CCDC85A: variants seen among roughly 807,000 people sequenced by gnomAD.
CCDC85A encodes the protein coiled-coil domain containing 85A.
A neutral mutation model predicts 50.2 loss-of-function variants in CCDC85A; 38 were observed. The observed-to-expected ratio is 0.76, with a 90% confidence interval of 0.58 to 0.99. The LOEUF (loss-of-function observed/expected upper bound fraction) is 0.99, where lower values mean the gene tolerates loss of function less well. Ranked by LOEUF, CCDC85A falls within the 50% of genes least tolerant of loss-of-function variation. CCDC85A has a pLI of 0.00. For synonymous variants in CCDC85A, 366 were observed against 301.4 expected (o/e 1.21, Z -2.22); for missense variants, 820 against 742.0 (o/e 1.11, Z -1.22).
chr2:56,197,507 C>CTT (rs1191314169), intron 2 of CCDC85A, among the ~76,000 whole-genome samples: 1 of 152,178 alleles, frequency 6.6e-6, no homozygotes, highest in Non-Finnish European at 1.5e-5. Flanking sequence ...ACACTGCACT[C>CTT]TGAGATGCAA....
At chr2:56,188,855 G>T (rs1481482369) in intron 1 of CCDC85A, among the ~76,000 whole-genome samples, 1 of 152,228 alleles carries the variant, frequency 6.6e-6, no homozygotes, top group African/African-American at 2.4e-5. Context: ...AGTGTCCACT[G>T]TATGCAAGGC....
At chr2:56,362,649 C>T (rs563299986) in intron 3 of CCDC85A, among the ~76,000 whole-genome samples, 1 of 151,928 alleles carries the variant, frequency 6.6e-6, no homozygotes, top group African/African-American at 2.4e-5. Flanking sequence ...AGTGAAGTCT[C>T]GCTCTGTCAC....
At chr2:56,260,227 A>G (rs1424930657) in intron 2 of CCDC85A, among the ~76,000 whole-genome samples, 1 of 152,216 alleles carries the variant, frequency 6.6e-6, no homozygotes, top group Non-Finnish European at 1.5e-5. Context: ...GGACCAAAAA[A>G]TAGACAAACT....
chr2:56,189,952 AG>A (rs1346344906), intron 1 of CCDC85A, among the ~76,000 whole-genome samples: 1 of 152,172 alleles, frequency 6.6e-6, no homozygotes, highest in Non-Finnish European at 1.5e-5. Context: ...CAAAAAGGAG[AG>A]GTGGGAATTA....
At chr2:56,305,149 T>TA (rs1357340255) in intron 2 of CCDC85A, among the ~76,000 whole-genome samples, 4 of 149,764 alleles carry the variant, frequency 2.7e-5, no homozygotes, top group East Asian at 3.9e-4. Context: ...GTTAGGAAAA[T>TA]AAAAAAAAGT....
intron 3 of CCDC85A, among the ~76,000 whole-genome samples, chr2:56,351,578 T>C (rs1674942661): frequency 1.4e-5 from 2 of 143,074 alleles, no homozygotes. Context: ...ATTGTGGTTT[T>C]GATTTGCATT....
intron 2 of CCDC85A, among the ~76,000 whole-genome samples, chr2:56,239,186 G>A (rs990687857): frequency 3.3e-5 from 5 of 152,020 alleles, no homozygotes; most frequent in Non-Finnish European, 5.9e-5. Flanking sequence ...TGTGAGGGTC[G>A]TTATATGACT....
intron 3 of CCDC85A, among the ~76,000 whole-genome samples, chr2:56,359,111 G>T (rs1161649740): frequency 2.0e-5 from 3 of 151,896 alleles, no homozygotes; most frequent in African/African-American, 7.3e-5. Context: ...TGTACATAAA[G>T]ACTTTATACA....
At chr2:56,241,202 A>G (rs952797463) in intron 2 of CCDC85A, among the ~76,000 whole-genome samples, 2 of 152,102 alleles carry the variant, frequency 1.3e-5, no homozygotes, top group African/African-American at 4.8e-5. Context: ...TGTGGGAGAT[A>G]TATATATACA....
intron 2 of CCDC85A, among the ~76,000 whole-genome samples, chr2:56,253,271 G>T (rs1256695612): frequency 2.0e-5 from 3 of 152,130 alleles, no homozygotes; most frequent in Non-Finnish European, 4.4e-5. Flanking sequence ...AGAGATTTTT[G>T]TCTAGAGCAA....
intron 2 of CCDC85A, among the ~76,000 whole-genome samples, chr2:56,223,128 C>G (rs1668399061): frequency 6.6e-6 from 1 of 152,104 alleles, no homozygotes; most frequent in Admixed American, 6.6e-5. Flanking sequence ...ATGGCAGCAT[C>G]ACTGAAATAA....
chr2:56,253,269 T>C (rs1051305743), intron 2 of CCDC85A, among the ~76,000 whole-genome samples: 1 of 152,190 alleles, frequency 6.6e-6, no homozygotes, highest in Non-Finnish European at 1.5e-5. Context: ...TTAGAGATTT[T>C]TGTCTAGAGC....
intron 2 of CCDC85A, among the ~76,000 whole-genome samples, chr2:56,333,695 C>G (rs145580400): frequency 1.3e-5 from 2 of 152,040 alleles, no homozygotes; most frequent in African/African-American, 4.8e-5. Flanking sequence ...GTTGGATTCT[C>G]AAGATATTTT....
chr2:56,361,875 C>T (rs181347397), intron 3 of CCDC85A, among the ~76,000 whole-genome samples: 12 of 152,228 alleles, frequency 7.9e-5, no homozygotes, highest in Non-Finnish European at 1.8e-4. Context: ...AAACACGAGA[C>T]TGAAGAAGGT....
At chr2:56,370,748 T>A (rs993496790) in intron 3 of CCDC85A, among the ~76,000 whole-genome samples, 1 of 152,156 alleles carries the variant, frequency 6.6e-6, no homozygotes, top group Non-Finnish European at 1.5e-5. Context: ...ATGGGTATGA[T>A]GATAAGCTTT....
intron 2 of CCDC85A, among the ~76,000 whole-genome samples, chr2:56,225,996 G>A (rs989664970): frequency 6.6e-6 from 1 of 152,154 alleles, no homozygotes; most frequent in Non-Finnish European, 1.5e-5. Flanking sequence ...TCAACACATT[G>A]GAATATATGG....
chr2:56,304,812 G>A (rs1672359842), intron 2 of CCDC85A, among the ~76,000 whole-genome samples: 1 of 151,978 alleles, frequency 6.6e-6, no homozygotes, highest in Non-Finnish European at 1.5e-5. Flanking sequence ...ACTTTGGGGG[G>A]CCAGGGCGGG....
At chr2:56,215,836 A>G (rs1677370352) in intron 2 of CCDC85A, among the ~76,000 whole-genome samples, 1 of 151,902 alleles carries the variant, frequency 6.6e-6, no homozygotes, top group African/African-American at 2.4e-5. Context: ...CTGTTTTTAC[A>G]TGACTTGTAA....
intron 2 of CCDC85A, among the ~76,000 whole-genome samples, chr2:56,294,270 C>T (rs1671847610): frequency 2.0e-5 from 3 of 152,068 alleles, no homozygotes; most frequent in Non-Finnish European, 2.9e-5. Context: ...GAGAACAATA[C>T]ACACTGGGGC....
Sources: allele counts gnomAD v4.1 joint callset (sites outside exome capture counted in the v4.1 genomes callset), GRCh38; gene constraint gnomAD v4.1.1; transcripts MANE v1.5; gene names NCBI Gene and HGNC (gene_info 2026-07-23, HGNC 2026-07-21).